KDM6A: variants seen among roughly 807,000 people sequenced by gnomAD.
KDM6A encodes lysine demethylase 6A.
In KDM6A, 11 loss-of-function variants were observed where a neutral mutation model predicts 117.6. That is an observed-to-expected ratio of 0.09 (90% CI 0.06 to 0.15). The LOEUF is 0.15. Ranked by LOEUF, KDM6A falls within the 10% of genes least tolerant of loss-of-function variation. The pLI, the probability that KDM6A is intolerant of heterozygous loss-of-function variation, is 1.00. For missense variants in KDM6A, 799 were observed against 1,077.3 expected (o/e 0.74, Z 3.62); for synonymous variants, 384 against 396.1 (o/e 0.97, Z 0.36).
At position 44,909,259 on chromosome X, in the gene KDM6A, T is replaced by C. The variant is rs147439650; in HGVS notation, c.225+35272T>C. On this transcript the variant is annotated intron_variant, in intron 2 of 29. Transcript: ENST00000611820. ...ACACATTTGAGATTCATCCTTCTTA[T>C]TCATCCTTGAGTTTGCAAAAACAGA... Among the ~76,000 whole-genome samples, 36 of 112,193 alleles carry C rather than the reference T, an allele frequency of 3.2e-4. No homozygotes were observed. In the East Asian group the frequency reaches 9.2e-3, roughly 29 times the overall value.
intron 25 of KDM6A, among the ~76,000 whole-genome samples, chrX:45,088,457 G>C (rs1016522814): frequency 4.4e-5 from 5 of 113,568 alleles, no homozygotes; most frequent in African/African-American, 1.6e-4. Context: ...GAGATAGTAC[G>C]TAAGTGAATG....
At chrX:45,109,171 A>G (rs1391267425) in intron 28 of KDM6A, among the ~76,000 whole-genome samples, 1 of 103,197 alleles carries the variant, frequency 9.7e-6, no homozygotes, top group Non-Finnish European at 2.0e-5. Flanking sequence ...TAAATAAATA[A>G]AGTACCTGTA....
In KDM6A at chrX:45,006,924, T is replaced by C. The variant is rs376178530; in HGVS notation, c.385-4037T>C. On this transcript the variant is annotated intron_variant, in intron 4 of 29. Transcript: ENST00000611820. Reference sequence around the variant, plus strand: ...CCAGCCTGGGGACAAAGCAAGACTCTATCTCAAAAAAAAAAAGATCCTGAG... The same window carrying C: ...CCAGCCTGGGGACAAAGCAAGACTCCATCTCAAAAAAAAAAAGATCCTGAG... Among the ~76,000 whole-genome samples, 4 of 109,515 alleles carry C rather than the reference T, an allele frequency of 3.7e-5. No homozygotes were observed. In the East Asian group the frequency reaches 1.2e-3, roughly 32 times the overall value.
At chrX:44,958,845 A>C (rs1226016251) in intron 2 of KDM6A, among the ~76,000 whole-genome samples, 1 of 110,891 alleles carries the variant, frequency 9.0e-6, no homozygotes, top group African/African-American at 3.3e-5. Context: ...GTTTATCTGA[A>C]TGTTGTTCTG....
At chrX:44,989,635 G>A (rs894468240) in intron 4 of KDM6A, among the ~76,000 whole-genome samples, 3 of 112,175 alleles carry the variant, frequency 2.7e-5, no homozygotes, top group African/African-American at 6.5e-5. Context: ...GGGCTGTGCC[G>A]GAGGCAGAAG....
chrX:44,879,684 A>G (rs911103059), intron 2 of KDM6A, among the ~76,000 whole-genome samples: 6 of 112,255 alleles, frequency 5.3e-5, no homozygotes, highest in African/African-American at 1.9e-4. Context: ...TGACTAACAC[A>G]GGACCATCTT....
intron 2 of KDM6A, among the ~76,000 whole-genome samples, chrX:44,935,523 T>C (rs2146992564): frequency 9.0e-6 from 1 of 111,459 alleles, no homozygotes; most frequent in East Asian, 2.8e-4. Context: ...AATTATGGTA[T>C]GTATTCCTTT....
At chrX:45,099,157 C>T (rs1420512915) in intron 27 of KDM6A, among the ~76,000 whole-genome samples, 1 of 111,220 alleles carries the variant, frequency 9.0e-6, no homozygotes, top group Admixed American at 9.6e-5. Context: ...ACTTCAGATA[C>T]TTCATCCTGC....
At chrX:45,096,043 T>G (rs1017004818) in intron 27 of KDM6A, among the ~76,000 whole-genome samples, 2 of 111,808 alleles carry the variant, frequency 1.8e-5, no homozygotes, top group South Asian at 7.4e-4. Context: ...TTTTTTCCTT[T>G]GAATCATCTT....
chrX:45,082,554 C>T (rs2045460798), intron 21 of KDM6A, 22 bp from the exon 22 acceptor site: 5 of 1,111,540 alleles, frequency 4.5e-6, no homozygotes, highest in African/African-American at 1.8e-5. Flanking sequence ...CTAAACTAGA[C>T]TGCTTTTTGC....
chrX:45,026,216 A>G (rs1034809352), intron 6 of KDM6A, among the ~76,000 whole-genome samples: 1 of 112,304 alleles, frequency 8.9e-6, no homozygotes, highest in African/African-American at 3.2e-5. Context: ...CAGTTCACCA[A>G]TTCATGCAGT....
At chrX:44,933,000 G>C (rs1219557578) in intron 2 of KDM6A, among the ~76,000 whole-genome samples, 2 of 107,012 alleles carry the variant, frequency 1.9e-5, no homozygotes, top group Non-Finnish European at 3.8e-5. Context: ...GGATTCTCCT[G>C]TCTCAGCCTC....
At chrX:44,991,893 T>A (rs1217009195) in intron 4 of KDM6A, among the ~76,000 whole-genome samples, 1 of 110,418 alleles carries the variant, frequency 9.1e-6, no homozygotes, top group African/African-American at 3.3e-5. Flanking sequence ...GGTTTCACCA[T>A]GGCCAGGCTG....
chrX:44,911,237 G>A (rs1335557995), intron 2 of KDM6A, among the ~76,000 whole-genome samples: 6 of 111,558 alleles, frequency 5.4e-5, no homozygotes, highest in Non-Finnish European at 9.5e-5. Context: ...GGACGGGGCG[G>A]CTGCCGGGCG....
Position 44,916,804 on chromosome X carries a change from C to T in KDM6A, c.225+42817C>T, listed in dbSNP as rs111401038. On this transcript the variant is annotated intron_variant, in intron 2 of 29. Coordinates refer to ENST00000611820, the MANE Select transcript of KDM6A (RefSeq NM_001291415.2). Reference sequence around the variant, plus strand: ...GAGACTACAGGTGCACACTACAACACCTGACTAATTTTAAAATTTTTTGTA... The same window carrying T: ...GAGACTACAGGTGCACACTACAACATCTGACTAATTTTAAAATTTTTTGTA... 2.1e-3 allele frequency among the ~76,000 whole-genome samples: 230 copies of T among 109,072 alleles called. 1 individual carries two copies. Among genetic ancestry groups the T allele is most frequent in the African/African-American group, 7.3e-3 (219 of 29,800 alleles). The allele number at this position is 109,072 out of a possible 115,157, so 94.7% of individuals were successfully genotyped here. A position where few individuals can be genotyped will look rare whatever the true frequency, so the allele number is the denominator to read the frequency against.
At chrX:45,074,015 G>A (rs764297896) in intron 18 of KDM6A, among the ~76,000 whole-genome samples, 83 of 111,997 alleles carry the variant, frequency 7.4e-4, no homozygotes, top group African/African-American at 2.5e-3. Context: ...TAGGTCTAAC[G>A]TTTAAGTCTT....
intron 15 of KDM6A, 22 bp downstream of exon 15, chrX:45,061,441 A>C: frequency 1.1e-6 from 1 of 877,575 alleles, no homozygotes; most frequent in Non-Finnish European, 1.7e-6. Context: ...GTTTTTGACA[A>C]ATTGTTTATT....
chrX:44,888,000 A>G, intron 2 of KDM6A, among the ~76,000 whole-genome samples: 1 of 111,166 alleles, frequency 9.0e-6, no homozygotes, highest in Middle Eastern at 4.7e-3. Flanking sequence ...GTCTCTTTAA[A>G]AAACAAACAA....
intron 5 of KDM6A, among the ~76,000 whole-genome samples, chrX:45,012,197 A>ATTTTT (rs760991442): frequency 3.3e-4 from 23 of 69,068 alleles, no homozygotes; most frequent in South Asian, 7.4e-4. Flanking sequence ...CCCAATGTAG[A>ATTTTT]TTTTTTTTTT....
Sources: gnomAD v4.1 joint callset for allele counts (sites outside exome capture counted in the v4.1 genomes callset) on GRCh38, gnomAD v4.1.1 for gene constraint, MANE v1.5 for transcripts, NCBI Gene and HGNC (gene_info 2026-07-23, HGNC 2026-07-21) for gene names.